Variants in SPTLC3 observed in about 807,000 individuals in gnomAD.
SPTLC3 encodes serine palmitoyltransferase long chain base subunit 3, also known as serine palmitoyltransferase 3.
SPTLC3 carries 36 observed loss-of-function variants against 59.3 expected under a neutral mutation model. The ratio of observed to expected loss-of-function variants is 0.61; its 90% CI spans 0.47 to 0.80. The LOEUF is 0.80. Ranked by LOEUF, SPTLC3 falls within the 30% of genes least tolerant of loss-of-function variation. The pLI, the probability that SPTLC3 is intolerant of heterozygous loss-of-function variation, is 0.00. For synonymous variants in SPTLC3, 257 were observed against 240.8 expected, an observed-to-expected ratio of 1.07 and a Z score of -0.62; for missense variants, 625 against 685.1, an observed-to-expected ratio of 0.91 and a Z score of 0.98.
chr20:13,069,943 A>G (rs1364755148), intron 2 of SPTLC3, among the ~76,000 whole-genome samples: 1 of 152,180 alleles, frequency 6.6e-6, no homozygotes, highest in Non-Finnish European at 1.5e-5. Context: ...GAGTTTATAG[A>G]TTATTATTTC....
chr20:13,136,767 G>C, intron 9 of SPTLC3, among the ~76,000 whole-genome samples: 1 of 148,344 alleles, frequency 6.7e-6, no homozygotes, highest in East Asian at 2.0e-4. Flanking sequence ...GAGGAATTTG[G>C]CAGGAAGAAA....
rs1197745536 is a variant in SPTLC3 at position 13,066,045 on chromosome 20, C to T, written c.304-6211C>T. Among the ~76,000 whole-genome samples, 8 of 152,136 alleles carry T rather than the reference C, an allele frequency of 5.3e-5. No homozygotes were observed. The East Asian group carries it at 1.5e-3, about 29-fold the overall frequency. On this transcript the variant is annotated intron_variant, in intron 2 of 11. Coordinates refer to ENST00000399002, the MANE Select transcript of SPTLC3 (RefSeq NM_018327.4). The stretch of plus-strand genomic sequence containing the variant: ...GTACAACATAATTGAAACGTTGTAC[C>T]CTTTGACCAGTATCCCCCTATTTTC...
intron 7 of SPTLC3, among the ~76,000 whole-genome samples, chr20:13,114,413 G>C (rs897826134): frequency 2.0e-5 from 3 of 152,196 alleles, no homozygotes; most frequent in Admixed American, 1.3e-4. Flanking sequence ...ATATCCTTGA[G>C]GTGTGGTGTC....
At chr20:13,055,483 A>G (rs1479476078) in intron 2 of SPTLC3, among the ~76,000 whole-genome samples, 1 of 152,126 alleles carries the variant, frequency 6.6e-6, no homozygotes. Flanking sequence ...TAACTAATGC[A>G]TAATAAATCA....
intron 1 of SPTLC3, among the ~76,000 whole-genome samples, chr20:13,026,215 A>G (rs942566425): frequency 6.6e-6 from 1 of 152,160 alleles, no homozygotes; most frequent in Non-Finnish European, 1.5e-5. Context: ...TTATGGTAGA[A>G]CAATTTATAT....
chr20:13,147,142 C>A (rs554865142), intron 9 of SPTLC3, among the ~76,000 whole-genome samples: 7 of 152,148 alleles, frequency 4.6e-5, no homozygotes, highest in African/African-American at 1.7e-4. Context: ...CCTGCTCCTG[C>A]GTGCATTCCA....
At chr20:13,093,794 T>C (rs1217659035) in intron 6 of SPTLC3, among the ~76,000 whole-genome samples, 4 of 152,190 alleles carry the variant, frequency 2.6e-5, no homozygotes, top group Non-Finnish European at 5.9e-5. Flanking sequence ...CCCAAACACA[T>C]TAATGTCACT....
In SPTLC3 at chr20:13,080,673, T is replaced by A. The variant is rs1939618022; in HGVS notation, c.607+6176T>A. On this transcript the variant is annotated intron_variant, in intron 4 of 11. Transcript: ENST00000399002. ...ATAATAACCCGTAGTTTCAAAGGAG[T>A]GAAGAAAAGAGCACTCTCATATACC... is the stretch of plus-strand genomic sequence containing the variant. Among the ~76,000 whole-genome samples, 7 of 151,662 alleles carry A rather than the reference T, an allele frequency of 4.6e-5. No individual in the cohort carries two copies. The South Asian group carries it at 1.5e-3, about 32-fold the overall frequency.
At chr20:13,023,265 GCACACACACACA>G (rs34054687) in intron 1 of SPTLC3, among the ~76,000 whole-genome samples, 2 of 145,056 alleles carry the variant, frequency 1.4e-5, no homozygotes, top group African/African-American at 5.1e-5. Context: ...CTGCACATGT[GCACACACACACA>G]CACACACACA....
chr20:13,052,262 C>T (rs553458795), intron 2 of SPTLC3, among the ~76,000 whole-genome samples: 14 of 152,100 alleles, frequency 9.2e-5, no homozygotes, highest in Non-Finnish European at 1.5e-4. Context: ...ACCTGGGAAG[C>T]GCAAGGGGTT....
intron 4 of SPTLC3, among the ~76,000 whole-genome samples, chr20:13,088,233 G>T (rs1989071659): frequency 6.6e-6 from 1 of 152,162 alleles, no homozygotes; most frequent in Non-Finnish European, 1.5e-5. Context: ...ATAATACAAA[G>T]TTTGAAATTA....
chr20:13,147,079 C>A (rs996140509), intron 9 of SPTLC3, among the ~76,000 whole-genome samples: 11 of 152,114 alleles, frequency 7.2e-5, no homozygotes, highest in African/African-American at 2.7e-4. Flanking sequence ...GGGTGTTTTC[C>A]CAGAGCCCTC....
intron 1 of SPTLC3, among the ~76,000 whole-genome samples, chr20:13,032,626 C>A (rs557929947): frequency 6.6e-6 from 1 of 152,278 alleles, no homozygotes; most frequent in South Asian, 2.1e-4. Context: ...CCTCTCTTAA[C>A]TTTCCCAGTC....
At chr20:13,012,406 T>A (rs1312372408) in intron 1 of SPTLC3, among the ~76,000 whole-genome samples, 1 of 152,190 alleles carries the variant, frequency 6.6e-6, no homozygotes, top group Non-Finnish European at 1.5e-5. Context: ...AAGCATCTGT[T>A]ATTCTTAGGA....
intron 3 of SPTLC3, chr20:13,073,765 A>G (rs1988533596): frequency 5.1e-6 from 3 of 583,614 alleles, no homozygotes; most frequent in Admixed American, 4.2e-5. Flanking sequence ...GACACGGTCC[A>G]AAGAGGGCAG....
intron 8 of SPTLC3, among the ~76,000 whole-genome samples, chr20:13,121,589 A>G (rs1011994813): frequency 6.6e-6 from 1 of 152,100 alleles, no homozygotes; most frequent in African/African-American, 2.4e-5. Flanking sequence ...CCTCTAACCC[A>G]CCCTGAAGAA....
intron 1 of SPTLC3, among the ~76,000 whole-genome samples, chr20:13,012,210 C>A (rs114298145): frequency 0.039 from 5,976 of 152,072 alleles, 390 homozygotes; most frequent in African/African-American, 0.14. Context: ...TTAAACGAAA[C>A]CTGCAGGATG....
chr20:13,123,511 C>G (rs1409906843), intron 8 of SPTLC3, among the ~76,000 whole-genome samples: 1 of 152,028 alleles, frequency 6.6e-6, no homozygotes, highest in Non-Finnish European at 1.5e-5. Flanking sequence ...AGTAACTGGC[C>G]CATGGTCACA....
At chr20:13,045,645 A>G (rs1272758312) in intron 1 of SPTLC3, among the ~76,000 whole-genome samples, 1 of 152,152 alleles carries the variant, frequency 6.6e-6, no homozygotes, top group African/African-American at 2.4e-5. Context: ...TTAAATTTAA[A>G]ATGTATCTAT....
Sources: allele counts gnomAD v4.1 joint callset (sites outside exome capture counted in the v4.1 genomes callset), GRCh38; gene constraint gnomAD v4.1.1; transcripts MANE v1.5; gene names NCBI Gene and HGNC (gene_info 2026-07-23, HGNC 2026-07-21).